The following PLEKHH3 variants were observed in gnomAD, a reference collection of about 807,000 sequenced individuals.
PLEKHH3 encodes pleckstrin homology, MyTH4 and FERM domain containing H3, also known as pleckstrin homology domain-containing family H member 3.
In PLEKHH3, 57 loss-of-function variants were observed where a neutral mutation model predicts 77.8. The observed-to-expected ratio is 0.73, with a 90% CI of 0.59 to 0.91. The LOEUF (loss-of-function observed/expected upper bound fraction) is 0.91. PLEKHH3 is among the 40% of genes least tolerant of loss of function. The probability of loss-of-function intolerance (pLI) is 0.00; values close to 1 mark genes in which losing one functional copy is unlikely to be tolerated. For missense variants in PLEKHH3, 1,082 were observed against 1,091.2 expected, an observed-to-expected ratio of 0.99 and a Z score of 0.12; for synonymous variants, 467 against 504.8, an observed-to-expected ratio of 0.93 and a Z score of 1.00.
At position 42,674,083 on chromosome 17, in the gene PLEKHH3, A is replaced by C. The variant is rs1597794392; in HGVS notation, c.219-70T>G. 7 of 1,498,734 alleles carry C rather than the reference A, an allele frequency of 4.7e-6. No individual in the cohort carries two copies. In the African/African-American group the frequency reaches 8.3e-5, roughly 18 times the overall value. 92.8% of individuals were successfully genotyped at this position (1,498,734 alleles called of 1,614,324 possible). A position where few individuals can be genotyped will look rare whatever the true frequency, so the allele number is the denominator to read the frequency against. On this transcript the variant is annotated intron_variant, in intron 2 of 12. Transcript: ENST00000591022. ...GGGGGCTCCTCTGTAGGGGCTCCCC[A>C]GACCGCACGGGTGTCTGCTCCCAAG...
Position 42,670,043 on chromosome 17 carries a change from C to A in PLEKHH3, c.1888G>T (p.Val630Leu), listed in dbSNP as rs747336360. The change falls in exon 11 of 13, where the codon GTG becomes TTG. Residue 630 changes from valine to leucine, a missense_variant. Coordinates refer to ENST00000591022, the MANE Select transcript of PLEKHH3 (RefSeq NM_024927.5). ...GGGGAGTAAA[V>L]LGGWKRLRGM... ...CGTAGCCGCTTCCAGCCGCCCAGCA[C>A]GGCAGCTGCCGTGCCGGCGCCGCCT... The A allele has an allele frequency of 2.6e-5, 39 of 1,521,038 alleles. No individual in the cohort carries two copies. Among genetic ancestry groups the A allele is most frequent in the Non-Finnish European group, 3.2e-5 (37 of 1,143,526 alleles). The allele number at this position is 1,521,038 out of a possible 1,614,324, so 94.2% of individuals were successfully genotyped here. A position where few individuals can be genotyped will look rare whatever the true frequency, so the allele number is the denominator to read the frequency against.
In PLEKHH3 at chr17:42,673,962, C is replaced by T. The variant is rs1234592801; in HGVS notation, c.270G>A (p.Pro90=). 1.9e-6 allele frequency: 3 copies of T among 1,613,526 alleles called. No homozygotes were observed. The highest frequency in any genetic ancestry group is 2.2e-5 in the East Asian group (1 of 44,872). The change falls in exon 3 of 13, where the codon CCG becomes CCA. Residue 90 remains proline, a synonymous_variant. Coordinates refer to ENST00000591022, the MANE Select transcript of PLEKHH3 (RefSeq NM_024927.5). The part of the protein sequence containing the change: ...TWSLIPEKGL[P]EDDPDIVVKG... ...TCACAACGATGTCCGGGTCGTCCTC[C>T]GGCAGCCCTTTCTCCGGGATGAGGC... is the stretch of plus-strand genomic sequence containing the variant.
At chr17:42,673,617 G>C (rs1465293491) in intron 4 of PLEKHH3, 26 bp downstream of exon 4, 1 of 1,599,002 alleles carries the variant, frequency 6.3e-7, no homozygotes, top group Non-Finnish European at 8.5e-7. Flanking sequence ...GCCTAGGAAG[G>C]TAGGAGAGTC....
At position 42,673,780 on chromosome 17, in the gene PLEKHH3, C is replaced by T; in HGVS notation, c.353G>A (p.Arg118His). 6.3e-7 allele frequency: 1 copy of T among 1,592,796 alleles called. No homozygotes were observed. The highest frequency in any genetic ancestry group is 8.5e-7 in the Non-Finnish European group (1 of 1,175,898). ...CCGCGTGAGCACAAACCAGGCTCGGCGCGGGGGCAGCCAGGGCCGCGCCCC... is the reference window on the plus strand; with the variant it reads ...CCGCGTGAGCACAAACCAGGCTCGGTGCGGGGGCAGCCAGGGCCGCGCCCC... ...GGGARPWLPP[R>H]RAWFVLTRDS... Residue 118 changes from arginine to histidine, a missense_variant, in exon 4 of 13, where the codon CGC becomes CAC. By Grantham distance (29) the Arg-to-His change is conservative (BLOSUM62 0). This residue lies in a region of PLEKHH3 where 344 missense variants were observed against 320.8 expected (regional missense o/e 1.07). Transcript: ENST00000591022.
At position 42,667,931 on chromosome 17, in the gene PLEKHH3, C is replaced by CTTTT; in HGVS notation, c.*192_*195dup. 1 of 368,680 alleles carries CTTTT rather than the reference C, an allele frequency of 2.7e-6. No individual in the cohort carries two copies. The highest frequency in any genetic ancestry group is 4.6e-6 in the Non-Finnish European group (1 of 218,638). The allele number at this position is 368,680 out of a possible 1,614,324, so 22.8% of individuals were successfully genotyped here. On this transcript the variant is annotated 3_prime_UTR_variant, in exon 13 of 13. Transcript: ENST00000591022. ...AGGAAGGGTTTGTGTAAATAAGAAA[C>CTTTT]TTTTTTTTTTTTTTTGCTTCTCTTC...
chr17:42,676,582 A>G lies in PLEKHH3; in HGVS notation c.-19T>C, dbSNP rs2052833291. The G allele has an allele frequency of 1.3e-6, 2 of 1,546,500 alleles. No homozygotes were observed. The highest frequency in any genetic ancestry group is 2.0e-5 in the Admixed American group (1 of 51,038). ...GAGGCATCCGGGCGAGGAGCTGCGG[A>G]TGGGGGCGCGGGCAGCCGCGGCCGA... On this transcript the variant is annotated 5_prime_UTR_variant, in exon 1 of 13. Coordinates refer to ENST00000591022, the MANE Select transcript of PLEKHH3 (RefSeq NM_024927.5). The surrounding 1 kb of genome is among the most constrained non-coding windows in gnomAD (Gnocchi z 6.6).
At position 42,669,427 on chromosome 17, in the gene PLEKHH3, C is replaced by T. The variant is rs995175437; in HGVS notation, c.2205+3G>A. ...TCCTCCCACAACTCCTCTTCTCACT[C>T]ACCTGGGGGCTCTGCAGGAGGAGCT... is the stretch of plus-strand genomic sequence containing the variant. On this transcript the variant is annotated splice_donor_region_variant and intron_variant, in intron 12 of 12. Coordinates refer to ENST00000591022, the MANE Select transcript of PLEKHH3 (RefSeq NM_024927.5). 6.6e-7 allele frequency: 1 copy of T among 1,525,492 alleles called. No individual in the cohort carries two copies. 94.5% of individuals were successfully genotyped at this position (1,525,492 alleles called of 1,614,324 possible).
chr17:42,673,577 G>A (rs1254292050), intron 4 of PLEKHH3, 21 bp from the exon 5 acceptor site: 7 of 1,588,342 alleles, frequency 4.4e-6, no homozygotes, highest in Non-Finnish European at 4.3e-6. Context: ...GAGAGGCCAG[G>A]GAGGGCCATT....
rs370202629 is a variant in PLEKHH3, at chr17:42,668,202, G to A, written c.2307C>T (p.Thr769=). 4.3e-4 allele frequency: 663 copies of A among 1,559,758 alleles called. 13 individuals are homozygous for A. The South Asian group carries it at 7.5e-3, about 18-fold the overall frequency. The part of the protein sequence containing the change: ...SSPPCQDLPD[T]SPPSQRPGLD... ...GGCCCGGGCGCTGGCTGGGAGGGGAGGTGTCTGGCAGGTCTTGGCATGGAG... is the reference window on the plus strand; with the variant it reads ...GGCCCGGGCGCTGGCTGGGAGGGGAAGTGTCTGGCAGGTCTTGGCATGGAG... Residue 769 remains threonine, a synonymous_variant, in exon 13 of 13, where the codon ACC becomes ACT. Coordinates refer to ENST00000591022, the MANE Select transcript of PLEKHH3 (RefSeq NM_024927.5).
At position 42,670,769 on chromosome 17, in the gene PLEKHH3, G is replaced by T. The variant is rs1424445426; in HGVS notation, c.1422-64C>A. 5.1e-6 allele frequency: 8 copies of T among 1,562,566 alleles called. No homozygotes were observed. In the South Asian group the frequency reaches 9.3e-5, roughly 18 times the overall value. On this transcript the variant is annotated intron_variant, in intron 9 of 12. Coordinates refer to ENST00000591022, the MANE Select transcript of PLEKHH3 (RefSeq NM_024927.5). The stretch of plus-strand genomic sequence containing the variant: ...GGACCCCTACGGCGAGGGCAGCTTG[G>T]GGTGGGGGCGGGGCCATGTGTTTGG...
At position 42,673,643 on chromosome 17, in the gene PLEKHH3, C is replaced by T; in HGVS notation, c.490G>A (p.Gly164Ser). The stretch of plus-strand genomic sequence containing the variant: ...TAGGAGAGTCCCCAGGAGGTCTCAC[C>T]TGTCTCCTTACGCCTGCGCTCTGGG... ...TGPERRRKETGLWSVTVSGRK... is the reference protein window; with the variant it reads ...TGPERRRKETSLWSVTVSGRK... Residue 164 changes from glycine to serine, a missense_variant and splice_region_variant, in exon 4 of 13, where the codon GGT becomes AGT. Around this residue, in one of 3 missense-constraint regions of PLEKHH3, gnomAD observed 344 missense variants for 320.8 expected, o/e 1.07. Transcript: ENST00000591022. 4 of 1,602,554 alleles carry T rather than the reference C, an allele frequency of 2.5e-6. No individual in the cohort carries two copies. Among genetic ancestry groups the T allele is most frequent in the Non-Finnish European group, 3.4e-6 (4 of 1,179,544 alleles).
At chr17:42,675,043 C>G (rs1342277664) in intron 1 of PLEKHH3, among the ~76,000 whole-genome samples, 1 of 148,236 alleles carries the variant, frequency 6.7e-6, no homozygotes, top group East Asian at 1.9e-4. Context: ...AAGGGCGGGC[C>G]AGACTGAGGA....
chr17:42,675,133 G>C (rs994805319), intron 1 of PLEKHH3, among the ~76,000 whole-genome samples: 2 of 151,964 alleles, frequency 1.3e-5, no homozygotes, highest in Admixed American at 6.5e-5. Context: ...CCCTGTCCTG[G>C]AACTTCAACT....
chr17:42,673,340 C>T (rs1343527227), intron 5 of PLEKHH3, 44 bp from the exon 6 acceptor site: 1 of 1,606,048 alleles, frequency 6.2e-7, no homozygotes, highest in East Asian at 2.2e-5. Context: ...GAAGGGAGTT[C>T]CTCACAACCC....
At position 42,676,165 on chromosome 17, in the gene PLEKHH3, C is replaced by A; in HGVS notation, c.162+237G>T. ...CGGGCCACGCGTGACGCCTCCCCTGCCTCAGGGCCCCCAGCAGGTGGATAG... is the reference window on the plus strand; with the variant it reads ...CGGGCCACGCGTGACGCCTCCCCTGACTCAGGGCCCCCAGCAGGTGGATAG... On this transcript the variant is annotated intron_variant, in intron 1 of 12. Coordinates refer to ENST00000591022, the MANE Select transcript of PLEKHH3 (RefSeq NM_024927.5). This position sits in a 1 kb window ranked among gnomAD's most constrained non-coding sequence, Gnocchi z 6.6. The A allele has an allele frequency of 7.3e-7, 1 of 1,378,238 alleles. No individual in the cohort carries two copies. The highest frequency in any genetic ancestry group is 9.4e-7 in the Non-Finnish European group (1 of 1,065,484). The allele number at this position is 1,378,238 out of a possible 1,614,324, so 85.4% of individuals were successfully genotyped here. A position where few individuals can be genotyped will look rare whatever the true frequency, so the allele number is the denominator to read the frequency against.
Position 42,673,246 on chromosome 17 carries a change from C to T in PLEKHH3, c.699G>A (p.Pro233=), listed in dbSNP as rs768819344. The T allele has an allele frequency of 9.4e-6, 15 of 1,590,922 alleles. No homozygotes were observed. Among genetic ancestry groups the T allele is most frequent in the South Asian group, 1.1e-5 (1 of 88,148 alleles). The stretch of plus-strand genomic sequence containing the variant: ...AGGCTCCACTAGTGTGTCTCAGAAT[C>T]GGGTTCCTCAGGTAAATGAGGGCAA... ...EAVALIYLRN[P]ILRHTSGALY... The change falls in exon 6 of 13, where the codon CCG becomes CCA. Residue 233 remains proline, a synonymous_variant. Coordinates refer to ENST00000591022, the MANE Select transcript of PLEKHH3 (RefSeq NM_024927.5).
In PLEKHH3 at chr17:42,673,419, G is replaced by A. The variant is rs1274632004; in HGVS notation, c.628C>T (p.Leu210=). The change falls in exon 5 of 13, where the codon CTA becomes TTA. Residue 210 remains leucine, a synonymous_variant. Transcript: ENST00000591022. ...TGTACCTGTATGTCCCTGAGCAGTA[G>A]CTGGGTGGGGGTCTCCAGGGGTGCC... ...SKAPLETPTQ[L]LLRDIQESCG... is the part of the protein sequence containing the mutation. The A allele has an allele frequency of 6.2e-7, 1 of 1,613,506 alleles. No homozygotes were observed. Among genetic ancestry groups the A allele is most frequent in the South Asian group, 1.1e-5 (1 of 91,080 alleles).
rs1409026993 is a variant in PLEKHH3, at chr17:42,676,554, G to A, written c.10C>T (p.Pro4Ser). The A allele has an allele frequency of 6.4e-7, 1 of 1,560,882 alleles. No homozygotes were observed. Among genetic ancestry groups the A allele is most frequent in the East Asian group, 2.4e-5 (1 of 42,002 alleles). ...CAGAGAAGCCACCATAGTCCCCCGG[G>A]GAGAGGCATCCGGGCGAGGAGCTGC... MPL[P>S]GGLWWLLCCR... Residue 4 changes from proline (P) to serine (S), a missense_variant, in exon 1 of 13, where the codon CCC becomes TCC. Transcript: ENST00000591022. The surrounding 1 kb of genome is among the most constrained non-coding windows in gnomAD (Gnocchi z 6.6).
Position 42,671,215 on chromosome 17 carries a change from G to C in PLEKHH3, c.1285-85C>G. ...TGATTCAATTGGAAGGGGTCTCTTA[G>C]TCCTGTCACCACCACTCCCTCCCTT... On this transcript the variant is annotated intron_variant, in intron 8 of 12. Transcript: ENST00000591022. The surrounding 1 kb of genome is among the most constrained non-coding windows in gnomAD (Gnocchi z 4.7). 13 of 1,526,142 alleles carry C rather than the reference G, an allele frequency of 8.5e-6. 1 individual carries two copies. In the South Asian group the frequency reaches 1.6e-4, roughly 19 times the overall value. 94.5% of individuals were successfully genotyped at this position (1,526,142 alleles called of 1,614,324 possible). A position where few individuals can be genotyped will look rare whatever the true frequency, so the allele number is the denominator to read the frequency against.
Sources: allele counts gnomAD v4.1 joint callset (sites outside exome capture counted in the v4.1 genomes callset), GRCh38; gene constraint gnomAD v4.1.1; regional missense constraint gnomAD v4.1.1; non-coding constraint Gnocchi (gnomAD v3.1); transcripts MANE v1.5; gene names NCBI Gene and HGNC (gene_info 2026-07-23, HGNC 2026-07-21).